The following S100Z variants were observed in gnomAD, a reference collection of about 807,000 sequenced individuals.
The protein encoded by S100Z is protein S100-Z.
Under a neutral mutation model 8.5 loss-of-function variants are expected in S100Z, and 11 were observed. That is an observed-to-expected ratio of 1.30 (90% CI 0.82 to 2.15). The LOEUF is 2.15. S100Z is among the 30% of genes most tolerant of loss of function. S100Z has a pLI of 0.00. For missense variants in S100Z, 126 were observed against 117.9 expected (o/e 1.07, Z -0.32); for synonymous variants, 34 against 43.8 (o/e 0.78, Z 0.89).
chr5:76,855,536 G>C (rs1750857615), intron 1 of S100Z, among the ~76,000 whole-genome samples: 1 of 152,198 alleles, frequency 6.6e-6, no homozygotes, highest in African/African-American at 2.4e-5. Flanking sequence ...CTGGGTTTCA[G>C]ACTTGTGTGG....
At chr5:76,850,331 TGG>T (rs1554034979) in intron 1 of S100Z, among the ~76,000 whole-genome samples, 176 bp downstream of exon 1, 2,238 of 79,708 alleles carry the variant, frequency 0.028, 38 homozygotes, top group African/African-American at 0.036. Flanking sequence ...GTCGGGGGGG[TGG>T]GGGAGAGAGA....
chr5:76,867,603 T>G (rs575132773), intron 1 of S100Z, among the ~76,000 whole-genome samples: 1 of 151,804 alleles, frequency 6.6e-6, no homozygotes, highest in South Asian at 2.1e-4. Flanking sequence ...TTTCTTTTTT[T>G]TTTTTTGAGG....
At chr5:76,915,927 G>C (rs1030594772) in intron 4 of S100Z, among the ~76,000 whole-genome samples, 1 of 152,042 alleles carries the variant, frequency 6.6e-6, no homozygotes, top group African/African-American at 2.4e-5. Context: ...CACTTTCGGA[G>C]GCCAAGGCAG....
chr5:76,909,228 A>G (rs1744563717), intron 4 of S100Z, among the ~76,000 whole-genome samples: 1 of 152,090 alleles, frequency 6.6e-6, no homozygotes, highest in Non-Finnish European at 1.5e-5. Context: ...TGTGTTTCAG[A>G]TGGGAAACAC....
intron 4 of S100Z, 103 bp from the exon 5 acceptor site, chr5:76,920,614 T>A (rs1246109029): frequency 6.6e-6 from 1 of 152,216 alleles, no homozygotes; most frequent in African/African-American, 2.4e-5. Context: ...GTAGATAAAC[T>A]TATAGTAAAT....
At chr5:76,927,093 T>G in the S100Z span, among the ~76,000 whole-genome samples, 14 of 152,304 alleles carry the variant, frequency 9.2e-5, no homozygotes, top group East Asian at 2.3e-3. Flanking sequence ...AGTAGTAACA[T>G]AAGACATCAA....
the S100Z span, among the ~76,000 whole-genome samples, chr5:76,940,535 C>G: frequency 6.6e-6 from 1 of 151,990 alleles, no homozygotes; most frequent in Non-Finnish European, 1.5e-5. Flanking sequence ...GCCTCAGCCT[C>G]CTGAGTAGCT....
intron 4 of S100Z, among the ~76,000 whole-genome samples, chr5:76,908,588 A>G (rs933760364): frequency 6.6e-5 from 10 of 152,192 alleles, no homozygotes; most frequent in Non-Finnish European, 1.3e-4. Context: ...CCAAAGCCCC[A>G]TCATAGGTGG....
the S100Z span, among the ~76,000 whole-genome samples, chr5:76,936,067 G>A: frequency 2.0e-5 from 3 of 152,054 alleles, no homozygotes; most frequent in Admixed American, 6.5e-5. Flanking sequence ...GTGAGCCACC[G>A]TGCCCGGCCA....
chr5:76,912,895 AGAGAG>A (rs373549479), intron 4 of S100Z, among the ~76,000 whole-genome samples: 17 of 151,530 alleles, frequency 1.1e-4, no homozygotes, highest in African/African-American at 4.1e-4. Flanking sequence ...AGAGAGAGAG[AGAGAG>A]GAGAAGAGAC....
chr5:76,872,168 G>C (rs1743034326), intron 2 of S100Z, among the ~76,000 whole-genome samples: 1 of 152,188 alleles, frequency 6.6e-6, no homozygotes, highest in Admixed American at 6.5e-5. Flanking sequence ...GATTGCTTGA[G>C]CCTGGGAGTT....
chr5:76,875,478 G>C lies in S100Z; in HGVS notation c.119G>C (p.Arg40Pro), dbSNP rs749431702. 6 of 1,610,872 alleles carry C rather than the reference G, an allele frequency of 3.7e-6. No individual in the cohort carries two copies. In the South Asian group the frequency reaches 5.5e-5, roughly 15 times the overall value. Residue 40 changes from arginine to proline, a missense_variant, in exon 3 of 5, where the codon CGA becomes CCA. Physicochemically the swap from Arg to Pro is moderately radical, Grantham distance 103. Transcript: ENST00000317593. ...GGGGAACTGAAACTGCTCCTGCAGC[G>C]AGAGCTCACGGAATTCCTCTCGGTG... Reference protein sequence around the residue: ...SKGELKLLLQRELTEFLSCQK... With the variant: ...SKGELKLLLQPELTEFLSCQK...
intron 4 of S100Z, among the ~76,000 whole-genome samples, chr5:76,905,780 G>A (rs1744404091): frequency 6.6e-6 from 1 of 152,232 alleles, no homozygotes; most frequent in African/African-American, 2.4e-5. Context: ...ACTTTAAATC[G>A]AGGTTTTATG....
intron 4 of S100Z, among the ~76,000 whole-genome samples, chr5:76,900,667 A>T (rs577669196): frequency 8.9e-4 from 135 of 151,314 alleles, no homozygotes; most frequent in Non-Finnish European, 1.5e-3. Context: ...TTTCTTCAAC[A>T]TAGCTATTTT....
intron 4 of S100Z, among the ~76,000 whole-genome samples, chr5:76,880,514 G>T (rs570919872): frequency 1.3e-5 from 2 of 152,206 alleles, no homozygotes; most frequent in African/African-American, 4.8e-5. Flanking sequence ...GGAAGATTTT[G>T]TGGTAAGGGG....
the S100Z span, among the ~76,000 whole-genome samples, chr5:76,932,194 G>T: frequency 6.6e-6 from 1 of 152,046 alleles, no homozygotes; most frequent in Non-Finnish European, 1.5e-5. Context: ...TTGTTTGTCT[G>T]GTTTTTGCGC....
chr5:76,859,467 C>T (rs760268436), intron 1 of S100Z, among the ~76,000 whole-genome samples: 6 of 152,036 alleles, frequency 3.9e-5, no homozygotes, highest in Non-Finnish European at 8.8e-5. Flanking sequence ...CCCTCAGGAC[C>T]GCATCCAGCT....
At chr5:76,873,433 G>A (rs993014240) in intron 2 of S100Z, among the ~76,000 whole-genome samples, 7 of 150,966 alleles carry the variant, frequency 4.6e-5, no homozygotes, top group Admixed American at 6.6e-5. Context: ...TCAGCCTCCC[G>A]AGTAGCTGGG....
chr5:76,909,811 A>T (rs1052220359), intron 4 of S100Z, among the ~76,000 whole-genome samples: 19 of 152,286 alleles, frequency 1.2e-4, no homozygotes, highest in Admixed American at 1.2e-3. Flanking sequence ...AGGTACATAG[A>T]TGTCCTACAG....
Sources: allele counts gnomAD v4.1 joint callset (sites outside exome capture counted in the v4.1 genomes callset), GRCh38; gene constraint gnomAD v4.1.1; transcripts MANE v1.5; gene names NCBI Gene and HGNC (gene_info 2026-07-23, HGNC 2026-07-21).